Variants in MACROD2 observed in about 807,000 individuals in gnomAD.
MACROD2 encodes the protein ADP-ribose glycohydrolase MACROD2.
MACROD2 carries 36 observed loss-of-function variants against 70.4 expected under a neutral mutation model. That is an observed-to-expected ratio of 0.51 (90% CI 0.39 to 0.68). The LOEUF (loss-of-function observed/expected upper bound fraction) is 0.68, where lower values mean the gene tolerates loss of function less well. MACROD2 is among the 30% of genes least tolerant of loss of function. MACROD2 has a pLI of 0.00. For missense variants in MACROD2, 496 were observed against 538.4 expected (o/e 0.92, Z 0.78); for synonymous variants, 172 against 178.8 (o/e 0.96, Z 0.30).
intron 15 of MACROD2, among the ~76,000 whole-genome samples, chr20:16,003,897 C>G (rs974879220): frequency 6.6e-6 from 1 of 152,186 alleles, no homozygotes; most frequent in African/African-American, 2.4e-5. Context: ...TCTCAAACAC[C>G]TGACCTCCTG....
chr20:14,954,885 T>TACATA (rs1491401638), intron 5 of MACROD2, among the ~76,000 whole-genome samples: 1 of 80,186 alleles, frequency 1.2e-5, no homozygotes, highest in Admixed American at 1.7e-4. Context: ...ATTATTTAAT[T>TACATA]ATATATTATA....
At chr20:14,556,045 T>G (rs189366049) in intron 4 of MACROD2, among the ~76,000 whole-genome samples, 7 of 152,212 alleles carry the variant, frequency 4.6e-5, no homozygotes, top group Admixed American at 4.6e-4. Context: ...TACTTTTAGA[T>G]AAATATAAAT....
rs1010366798 is a variant in MACROD2, at chr20:15,377,353, G to C, written c.541-54052G>C. ...GTGATAAAAAGAAAAAGAGAAAAGA[G>C]AAGGAATAAAAAGGACAAGAAAAAA... On this transcript the variant is annotated intron_variant, in intron 6 of 17. Transcript: ENST00000684519. Among the ~76,000 whole-genome samples the C allele has an allele frequency of 2.2e-4, 33 of 152,148 alleles. 1 individual carries two copies. The highest frequency in any genetic ancestry group is 5.1e-4 in the African/African-American group (21 of 41,434).
intron 5 of MACROD2, among the ~76,000 whole-genome samples, chr20:14,815,734 G>A (rs2072766320): frequency 6.6e-6 from 1 of 151,842 alleles, no homozygotes; most frequent in African/African-American, 2.4e-5. Context: ...TATTCTACAA[G>A]TTAGTAAATA....
chr20:15,497,843 G>A (rs2047317679), intron 7 of MACROD2, among the ~76,000 whole-genome samples: 1 of 152,034 alleles, frequency 6.6e-6, no homozygotes, highest in East Asian at 1.9e-4. Context: ...GCTGCATTTT[G>A]TTTGCCTCTT....
At chr20:15,589,255 G>A (rs1212273391) in intron 8 of MACROD2, among the ~76,000 whole-genome samples, 3 of 152,124 alleles carry the variant, frequency 2.0e-5, no homozygotes, top group East Asian at 1.9e-4. Flanking sequence ...CTACTCCTGG[G>A]TCCCTCCCAC....
chr20:14,526,436 A>G lies in MACROD2; in HGVS notation c.301+32928A>G, dbSNP rs947620852. Among the ~76,000 whole-genome samples, 5 of 152,272 alleles carry G rather than the reference A, an allele frequency of 3.3e-5. No individual in the cohort carries two copies. The East Asian group carries it at 9.6e-4, about 29-fold the overall frequency. ...TGAAGATCCAGTGTTGTCTTTCAAA[A>G]TTTCATTTACATTCCGCTCATTCAC... On this transcript the variant is annotated intron_variant, in intron 4 of 17. Transcript: ENST00000684519.
intron 10 of MACROD2, among the ~76,000 whole-genome samples, chr20:15,896,117 C>A (rs533842809): frequency 8.5e-5 from 13 of 152,316 alleles, no homozygotes; most frequent in Admixed American, 3.3e-4. Flanking sequence ...TTACTCTCCT[C>A]TCTAGATCTT....
chr20:15,461,657 ATTATTC>A (rs1319708778), intron 7 of MACROD2, among the ~76,000 whole-genome samples: 2 of 152,182 alleles, frequency 1.3e-5, no homozygotes, highest in Non-Finnish European at 2.9e-5. Context: ...TGAAATATTA[ATTATTC>A]TTATTATTAG....
At chr20:15,261,723 T>C (rs1190132418) in intron 6 of MACROD2, among the ~76,000 whole-genome samples, 3 of 151,996 alleles carry the variant, frequency 2.0e-5, no homozygotes, top group Non-Finnish European at 4.4e-5. Context: ...CAATATTATA[T>C]TGTGAAGCTG....
At chr20:15,330,979 T>C (rs941014684) in intron 6 of MACROD2, among the ~76,000 whole-genome samples, 9 of 151,714 alleles carry the variant, frequency 5.9e-5, no homozygotes, top group African/African-American at 1.7e-4. Flanking sequence ...TCGTTATTTT[T>C]TTCTTTGAAA....
intron 8 of MACROD2, among the ~76,000 whole-genome samples, chr20:15,540,860 G>A (rs1251610900): frequency 6.6e-6 from 1 of 152,150 alleles, no homozygotes; most frequent in Non-Finnish European, 1.5e-5. Flanking sequence ...CATCTTCACT[G>A]TGAGTTCTCC....
At chr20:15,999,737 T>C (rs2147501204) in intron 15 of MACROD2, among the ~76,000 whole-genome samples, 1 of 152,382 alleles carries the variant, frequency 6.6e-6, no homozygotes, top group Admixed American at 6.5e-5. Context: ...TTCTAGTCTC[T>C]TGTGACTATT....
chr20:14,903,472 CTGA>C (rs1378156998), intron 5 of MACROD2, among the ~76,000 whole-genome samples: 1 of 151,988 alleles, frequency 6.6e-6, no homozygotes, highest in East Asian at 1.9e-4. Flanking sequence ...TGAGAGTAGA[CTGA>C]TGATAACACA....
chr20:15,040,269 C>T (rs906732785), intron 5 of MACROD2, among the ~76,000 whole-genome samples: 1 of 151,282 alleles, frequency 6.6e-6, no homozygotes, highest in Non-Finnish European at 1.5e-5. Flanking sequence ...GAGTCGAGAT[C>T]GCGCCACTGC....
intron 3 of MACROD2, among the ~76,000 whole-genome samples, chr20:14,100,298 C>T (rs2054280893): frequency 6.6e-6 from 1 of 151,654 alleles, no homozygotes; most frequent in Non-Finnish European, 1.5e-5. Flanking sequence ...TTTTGTTGAA[C>T]ATAGATATTT....
intron 8 of MACROD2, among the ~76,000 whole-genome samples, chr20:15,537,968 G>A (rs570886848): frequency 9.1e-4 from 138 of 152,242 alleles, no homozygotes; most frequent in African/African-American, 3.3e-3. Context: ...CTAGCACTTA[G>A]TAGAGTGCCA....
chr20:14,870,527 C>A (rs955054013), intron 5 of MACROD2, among the ~76,000 whole-genome samples: 1 of 152,124 alleles, frequency 6.6e-6, no homozygotes, highest in African/African-American at 2.4e-5. Context: ...ACTCTGTCTT[C>A]CACAGTGGTT....
chr20:15,882,349 G>A (rs1450910518), intron 9 of MACROD2, among the ~76,000 whole-genome samples: 2 of 152,040 alleles, frequency 1.3e-5, no homozygotes, highest in Non-Finnish European at 2.9e-5. Flanking sequence ...GAGAATGAAT[G>A]GACCCAGGAG....
Sources: allele counts gnomAD v4.1 joint callset (sites outside exome capture counted in the v4.1 genomes callset), GRCh38; gene constraint gnomAD v4.1.1; transcripts MANE v1.5; gene names NCBI Gene and HGNC (gene_info 2026-07-23, HGNC 2026-07-21).